Variants in TAL1 observed in about 807,000 individuals in gnomAD.
TAL1 encodes TAL bHLH transcription factor 1, erythroid differentiation factor, also known as T-cell acute lymphocytic leukemia protein 1.
TAL1 carries 8 observed loss-of-function variants against 17.9 expected under a neutral mutation model. The observed-to-expected ratio is 0.45, with a 90% CI of 0.26 to 0.81. The LOEUF (loss-of-function observed/expected upper bound fraction) is 0.81, where lower values mean the gene tolerates loss of function less well. Among genes scored for constraint, TAL1 ranks in the 30% least tolerant of loss-of-function variants. TAL1 has a pLI of 0.17. For missense variants in TAL1, 466 were observed against 486.9 expected (o/e 0.96, Z 0.40); for synonymous variants, 223 against 218.6 (o/e 1.02, Z -0.18).
intron 1 of TAL1, 62 bp from the exon 3 acceptor site, chr1:47,225,951 GTGGGC>G: frequency 6.6e-7 from 1 of 1,506,660 alleles, no homozygotes. Flanking sequence ...ACCCACCGAC[GTGGGC>G]TGGGGTAAAG....
exon 4 of TAL1, chr1:47,218,654 A>G: frequency 4.3e-6 from 1 of 232,996 alleles, no homozygotes; most frequent in Non-Finnish European, 8.5e-6. Context: ...ATTGAGCGCT[A>G]AAGATTCCAC....
chr1:47,221,476 A>G (rs947218525), intron 3 of TAL1, among the ~76,000 whole-genome samples: 1 of 152,212 alleles, frequency 6.6e-6, no homozygotes, highest in African/African-American at 2.4e-5. Context: ...TTCAAGACTC[A>G]CTGGGGATTT....
intron 1 of TAL1, 120 bp downstream of exon 2, chr1:47,229,076 T>TC (rs1285161121): frequency 1.4e-5 from 1 of 69,260 alleles, no homozygotes; most frequent in Non-Finnish European, 2.8e-5. Flanking sequence ...GGTCCTCCCC[T>TC]CCCCCCACCC....
exon 2 of TAL1, chr1:47,225,822 C>T (rs755254655): frequency 6.3e-7 from 1 of 1,579,992 alleles, no homozygotes; most frequent in Non-Finnish European, 8.5e-7. Context: ...ATGCTGGCCT[C>T]GGCCGCGTCC....
chr1:47,223,100 CA>C (rs1324030765), intron 3 of TAL1, among the ~76,000 whole-genome samples: 6 of 152,200 alleles, frequency 3.9e-5, no homozygotes. Context: ...CCAGAGGCTC[CA>C]GCTCCATACT....
exon 4 of TAL1, chr1:47,218,098 G>T: frequency 3.8e-6 from 1 of 260,386 alleles, no homozygotes; most frequent in East Asian, 5.7e-5. Context: ...CAAACTATAA[G>T]GGGGGGCTTT....
At chr1:47,229,347 G>C (rs1033882755) in exon 1 of TAL1, 18 of 194,018 alleles carry the variant, frequency 9.3e-5, no homozygotes, top group Admixed American at 2.4e-4. Context: ...GTGGTCCTGG[G>C]CGATCTGCCG....
chr1:47,217,840 C>A (rs984364835), exon 4 of TAL1: 1 of 398,034 alleles, frequency 2.5e-6, no homozygotes, highest in African/African-American at 2.1e-5. Flanking sequence ...TATCTTTAGA[C>A]AGATGGGGCT....
intron 3 of TAL1, among the ~76,000 whole-genome samples, chr1:47,223,144 C>T (rs1569901611): frequency 6.6e-6 from 1 of 152,154 alleles, no homozygotes; most frequent in East Asian, 1.9e-4. Flanking sequence ...AGCATAAATC[C>T]CAGCCTTGCT....
In TAL1 at chr1:47,219,897, G is replaced by GCCCCCCCA; in HGVS notation, c.818_819insTGGGGGGG (p.Ala275GlyfsTer173). On this transcript the variant is annotated frameshift_variant, in exon 4 of 4. Coordinates refer to ENST00000294339, the Ensembl canonical transcript of TAL1. LOFTEE classifies it high-confidence loss of function. ...GCAGGAGGTCATCTGGGGGCGCGCC[G>GCCCCCCCA]CCCCCTCCCCCACCTCCACCCCCAC... 6.6e-7 allele frequency: 1 copy of GCCCCCCCA among 1,506,192 alleles called. No homozygotes were observed. The highest frequency in any genetic ancestry group is 9.0e-7 in the Non-Finnish European group (1 of 1,116,222). The allele number at this position is 1,506,192 out of a possible 1,614,324, so 93.3% of individuals were successfully genotyped here.
chr1:47,229,629 C>T (rs897432565), exon 1 of TAL1: 1 of 156,070 alleles, frequency 6.4e-6, no homozygotes, highest in Non-Finnish European at 1.4e-5. Context: ...CCCCTCCCGA[C>T]AGGCTGTCTG....
At chr1:47,219,924 A>G in exon 4 of TAL1, 1 of 479,532 alleles carries the variant, frequency 2.1e-6, no homozygotes, top group Non-Finnish European at 3.1e-6. Context: ...CACCCCCACC[A>G]GCCCCCACCA....
exon 2 of TAL1, chr1:47,225,759 C>T (rs780092753): frequency 1.9e-6 from 3 of 1,545,176 alleles, no homozygotes; most frequent in Non-Finnish European, 2.6e-6. Context: ...GCTGCGGCCG[C>T]GCGGCTCGTC....
intron 3 of TAL1, among the ~76,000 whole-genome samples, chr1:47,221,444 GTGTGCAAAGCACTGTGC>G (rs1488012714): frequency 6.6e-6 from 1 of 152,172 alleles, no homozygotes; most frequent in African/African-American, 2.4e-5. Flanking sequence ...GGCACTTATG[GTGTGCAAAGCACTGTGC>G]TGTGTTCAAG....
chr1:47,228,243 T>G (rs1334328045), intron 1 of TAL1: 1 of 172,078 alleles, frequency 5.8e-6, no homozygotes, highest in Non-Finnish European at 1.3e-5. Flanking sequence ...CGGTTTAGGA[T>G]TACCAGCCAG....
intron 2 of TAL1, 38 bp from the exon 4 acceptor site, chr1:47,224,136 T>C (rs375832399): frequency 1.2e-6 from 2 of 1,601,146 alleles, no homozygotes; most frequent in Middle Eastern, 1.7e-4. Flanking sequence ...GATCCCATGT[T>C]GAGGGGAGGG....
In TAL1 at chr1:47,224,152, A is replaced by G. The variant is rs777521741; in HGVS notation, c.447-54T>C. 4 of 1,575,658 alleles carry G rather than the reference A, an allele frequency of 2.5e-6. No individual in the cohort carries two copies. The Admixed American group carries it at 5.0e-5, about 20-fold the overall frequency. ...ATCCCATGTTGAGGGGAGGGGAGAA[A>G]GAGCTTCCTTAGGGATCCTCCCCAC... On this transcript the variant is annotated intron_variant, in intron 2 of 3. Coordinates refer to ENST00000294339, the Ensembl canonical transcript of TAL1.
At chr1:47,228,631 C>T (rs904331145) in intron 1 of TAL1, 2 of 172,230 alleles carry the variant, frequency 1.2e-5, no homozygotes, top group African/African-American at 4.8e-5. Flanking sequence ...AGCCTCAGGC[C>T]CTTAGACCCA....
exon 3 of TAL1, chr1:47,224,005 A>T (rs1643871606): frequency 1.2e-6 from 2 of 1,613,604 alleles, no homozygotes; most frequent in Non-Finnish European, 1.7e-6. Flanking sequence ...CAGACTCACC[A>T]TCAGTAATCT....
Sources: allele counts gnomAD v4.1 joint callset (sites outside exome capture counted in the v4.1 genomes callset), GRCh38; gene constraint gnomAD v4.1.1; transcripts MANE v1.5; gene names NCBI Gene and HGNC (gene_info 2026-07-23, HGNC 2026-07-21).